The following VPS13C variants were observed in gnomAD, a reference collection of about 807,000 sequenced individuals.
VPS13C encodes vacuolar protein sorting 13 homolog C.
VPS13C carries 358 observed loss-of-function variants against 456.8 expected under a neutral mutation model. The ratio of observed to expected loss-of-function variants is 0.78; its 90% CI spans 0.72 to 0.86. The LOEUF is 0.86. VPS13C is among the 40% of genes least tolerant of loss of function. The pLI is 0.00. For missense variants in VPS13C, 4,818 were observed against 4,385.4 expected (o/e 1.10, Z -2.79); for synonymous variants, 1,578 against 1,486.7 (o/e 1.06, Z -1.41).
intron 66 of VPS13C, among the ~76,000 whole-genome samples, chr15:61,904,004 A>T (rs1468201734): frequency 6.6e-6 from 1 of 152,190 alleles, no homozygotes; most frequent in Non-Finnish European, 1.5e-5. Flanking sequence ...AAAGACTTAA[A>T]TCTAGGACCT....
intron 15 of VPS13C, among the ~76,000 whole-genome samples, chr15:62,002,530 C>G (rs2046665671): frequency 6.6e-6 from 1 of 152,144 alleles, no homozygotes; most frequent in Non-Finnish European, 1.5e-5. Flanking sequence ...TTAATTAGAT[C>G]CCACTTGTCT....
chr15:61,995,812 T>C (rs1199048501), intron 16 of VPS13C, among the ~76,000 whole-genome samples: 1 of 152,238 alleles, frequency 6.6e-6, no homozygotes, highest in Non-Finnish European at 1.5e-5. Context: ...GAGGACTCAA[T>C]TAACCCATAC....
At chr15:62,007,826 G>C (rs1179065354) in intron 14 of VPS13C, among the ~76,000 whole-genome samples, 1 of 152,146 alleles carries the variant, frequency 6.6e-6, no homozygotes, top group African/African-American at 2.4e-5. Context: ...AAGAATTTGG[G>C]AACCGGCAGG....
intron 9 of VPS13C, among the ~76,000 whole-genome samples, chr15:62,017,106 C>G (rs1172516576): frequency 6.7e-6 from 1 of 149,960 alleles, no homozygotes; most frequent in Non-Finnish European, 1.5e-5. Flanking sequence ...AGTGTCTGTT[C>G]ATATCCTTCG....
intron 9 of VPS13C, among the ~76,000 whole-genome samples, chr15:62,016,001 C>A (rs888994465): frequency 4.8e-5 from 7 of 144,782 alleles, no homozygotes; most frequent in African/African-American, 1.8e-4. Flanking sequence ...TCCTTCACTG[C>A]CTTTCCTTTG....
At chr15:61,932,669 C>T (rs1355950463) in intron 49 of VPS13C, among the ~76,000 whole-genome samples, 2 of 152,138 alleles carry the variant, frequency 1.3e-5, no homozygotes, top group African/African-American at 2.4e-5. Context: ...GAACTCCACC[C>T]CTTCTCTCAC....
Position 61,917,473 on chromosome 15 carries a change from T to A in VPS13C, c.7923A>T (p.Thr2641=). The A allele has an allele frequency of 6.2e-7, 1 of 1,614,094 alleles. No individual in the cohort carries two copies. The highest frequency in any genetic ancestry group is 8.5e-7 in the Non-Finnish European group (1 of 1,179,940). Residue 2641 remains threonine (T), a synonymous_variant, in exon 60 of 85, where the codon ACA becomes ACT. Coordinates refer to ENST00000644861, the MANE Select transcript of VPS13C (RefSeq NM_020821.3). ...EVSFLPLIVN[T]VALPDELSYI... ...AGCTCAATTCATCAGGCAGAGCAAC[T>A]GTATTCACTATGAGAGGTAAGAAGC... is the stretch of plus-strand genomic sequence containing the variant.
chr15:62,002,611 T>C (rs1460186472), intron 15 of VPS13C, among the ~76,000 whole-genome samples: 4 of 152,216 alleles, frequency 2.6e-5, no homozygotes, highest in African/African-American at 4.8e-5. Flanking sequence ...ATGTCCTGAA[T>C]GGTAATGTCT....
rs149307561 is a variant in VPS13C at position 61,877,033 on chromosome 15, T to C, written c.10164A>G (p.Arg3388=). The C allele has an allele frequency of 2.9e-3, 4,639 of 1,608,700 alleles. 12 individuals are homozygous for C. Among genetic ancestry groups the C allele is most frequent in the Non-Finnish European group, 3.5e-3 (4,151 of 1,177,068 alleles). The stretch of plus-strand genomic sequence containing the variant: ...GCTGATCTCTCTTGTAGAACTGATA[T>C]CGAATTTCATAATAAGCAAGTCTGG... ...LIFKLAYYEI[R]YQFYKRDQLI... Residue 3388 remains arginine (R), a synonymous_variant, in exon 75 of 85, where the codon CGA becomes CGG. Coordinates refer to ENST00000644861, the MANE Select transcript of VPS13C (RefSeq NM_020821.3).
chr15:61,897,873 A>C (rs2042877031), intron 66 of VPS13C, among the ~76,000 whole-genome samples: 1 of 152,236 alleles, frequency 6.6e-6, no homozygotes. Flanking sequence ...TTACCCACAA[A>C]GGGAAGCCCA....
intron 16 of VPS13C, among the ~76,000 whole-genome samples, chr15:61,994,594 C>CTT (rs61199977): frequency 0.092 from 13,350 of 145,260 alleles, 1,024 homozygotes; most frequent in African/African-American, 0.21. Context: ...ATTCAGCTAT[C>CTT]TTTTTTTTTT....
At chr15:61,968,828 A>C (rs2045460337) in intron 28 of VPS13C, among the ~76,000 whole-genome samples, 1 of 152,164 alleles carries the variant, frequency 6.6e-6, no homozygotes, top group African/African-American at 2.4e-5. Flanking sequence ...CTTCAATAAC[A>C]TATGATCAGA....
rs975697276 is a variant in VPS13C at position 62,000,543 on chromosome 15, T to C, written c.1353+21A>G. 2.3e-5 allele frequency: 36 copies of C among 1,598,410 alleles called. No homozygotes were observed. The Admixed American group carries it at 4.5e-4, about 20-fold the overall frequency. ...GCATTAACATGTTTAAAACATAAAA[T>C]CAGCTAATAAAAATGATTACCTCAA... On this transcript the variant is annotated intron_variant, in intron 16 of 84. Transcript: ENST00000644861.
chr15:61,863,600 C>A, intron 81 of VPS13C, 72 bp from the exon 82 acceptor site: 2 of 940,652 alleles, frequency 2.1e-6, no homozygotes, highest in South Asian at 1.6e-5. Context: ...TGCATATTAG[C>A]TAATTATAAT....
At chr15:62,005,916 C>T (rs2046820882) in intron 15 of VPS13C, among the ~76,000 whole-genome samples, 2 of 151,348 alleles carry the variant, frequency 1.3e-5, no homozygotes, top group South Asian at 4.2e-4. Context: ...GTTGGCCAGG[C>T]TGGTCTCCAA....
chr15:61,866,130 A>C, intron 81 of VPS13C: 1 of 984,966 alleles, frequency 1.0e-6, no homozygotes, highest in Non-Finnish European at 1.2e-6. Context: ...AACTGATCAC[A>C]GCAAGATGGG....
intron 48 of VPS13C, 27 bp downstream of exon 48, chr15:61,936,570 C>A: frequency 6.7e-7 from 1 of 1,500,370 alleles, no homozygotes; most frequent in Non-Finnish European, 8.9e-7. Context: ...ATTTTTTCTC[C>A]ATAAAGTAAA....
At chr15:61,895,892 T>C (rs1351185894) in intron 66 of VPS13C, among the ~76,000 whole-genome samples, 7 of 152,152 alleles carry the variant, frequency 4.6e-5, no homozygotes, top group Non-Finnish European at 8.8e-5. Context: ...TAGTGTCCTA[T>C]AGCATTATAG....
At chr15:61,976,673 G>GT (rs1394681859) in intron 24 of VPS13C, among the ~76,000 whole-genome samples, 3 of 151,928 alleles carry the variant, frequency 2.0e-5, no homozygotes, top group Non-Finnish European at 4.4e-5. Context: ...CAATATAGCT[G>GT]TTTTTTAAAA....
Sources: gnomAD v4.1 joint callset for allele counts (sites outside exome capture counted in the v4.1 genomes callset) on GRCh38, gnomAD v4.1.1 for gene constraint, MANE v1.5 for transcripts, NCBI Gene and HGNC (gene_info 2026-07-23, HGNC 2026-07-21) for gene names.